Variants in CACNG7 observed in about 807,000 individuals in gnomAD.
CACNG7 encodes the protein voltage-dependent calcium channel gamma-7 subunit.
In CACNG7, 9 loss-of-function variants were observed where a neutral mutation model predicts 26.3. The ratio of observed to expected loss-of-function variants is 0.34; its 90% CI spans 0.21 to 0.60. The LOEUF (loss-of-function observed/expected upper bound fraction) is 0.60. CACNG7 is among the 20% of genes least tolerant of loss of function. The pLI, the probability that CACNG7 is intolerant of heterozygous loss-of-function variation, is 0.81. For missense variants in CACNG7, 297 were observed against 380.4 expected (o/e 0.78, Z 1.82); for synonymous variants, 170 against 157.0 (o/e 1.08, Z -0.62).
At chr19:53,933,637 G>A (rs967408735) in intron 4 of CACNG7, among the ~76,000 whole-genome samples, 18 of 151,566 alleles carry the variant, frequency 1.2e-4, no homozygotes, top group Admixed American at 1.2e-3. Flanking sequence ...AGATCTAAAA[G>A]AAGCTTAGAT....
chr19:53,913,170 G>A (rs1364789809), intron 2 of CACNG7, 143 bp downstream of exon 2: 1 of 730,382 alleles, frequency 1.4e-6, no homozygotes, highest in Non-Finnish European at 2.2e-6. Flanking sequence ...TCTACGTGGA[G>A]CCCCAGTGAC....
Position 53,942,593 on chromosome 19 carries a change from C to A in CACNG7, c.*300C>A. 7.8e-7 allele frequency: 1 copy of A among 1,289,162 alleles called. No individual in the cohort carries two copies. The highest frequency in any genetic ancestry group is 9.9e-7 in the Non-Finnish European group (1 of 1,014,952). The allele number at this position is 1,289,162 out of a possible 1,614,324, so 79.9% of individuals were successfully genotyped here. A position where few individuals can be genotyped will look rare whatever the true frequency, so the allele number is the denominator to read the frequency against. On this transcript the variant is annotated 3_prime_UTR_variant, in exon 6 of 6. Transcript: ENST00000391767. This position sits in a 1 kb window ranked among gnomAD's most constrained non-coding sequence, Gnocchi z 5.9. ...CTCCTCTCCAAGAAAATTAGCTCCTCCCTCGTTCTCCACCTGCTCTGAGCT... is the reference window on the plus strand; with the variant it reads ...CTCCTCTCCAAGAAAATTAGCTCCTACCTCGTTCTCCACCTGCTCTGAGCT...
In CACNG7 at chr19:53,912,904, G is replaced by A. The variant is rs750182220; in HGVS notation, c.73G>A (p.Gly25Ser). The A allele has an allele frequency of 1.2e-6, 2 of 1,614,076 alleles. No individual in the cohort carries two copies. The highest frequency in any genetic ancestry group is 4.5e-5 in the East Asian group (2 of 44,874). ...VFGACGLLLV[G>S]IAVSTDYWLY... ...TGGTGCGTGTGGCCTGCTCCTGGTAGGCATCGCGGTCAGCACTGACTACTG... is the reference window on the plus strand; with the variant it reads ...TGGTGCGTGTGGCCTGCTCCTGGTAAGCATCGCGGTCAGCACTGACTACTG... The change falls in exon 2 of 6, where the codon GGC becomes AGC. Residue 25 changes from glycine (G) to serine (S), a missense_variant. Gly to Ser is a moderately conservative substitution (Grantham distance 56). Transcript: ENST00000391767. The surrounding 1 kb of genome is among the most constrained non-coding windows in gnomAD (Gnocchi z 4.6).
intron 4 of CACNG7, among the ~76,000 whole-genome samples, chr19:53,922,992 C>A (rs1213377737): frequency 1.0e-5 from 1 of 96,796 alleles, no homozygotes; most frequent in Admixed American, 9.0e-5. Flanking sequence ...TGTCCCAGGA[C>A]TGGTCATTGG....
At chr19:53,933,218 C>A (rs2069084815) in intron 4 of CACNG7, among the ~76,000 whole-genome samples, 1 of 151,898 alleles carries the variant, frequency 6.6e-6, no homozygotes, top group Non-Finnish European at 1.5e-5. Context: ...GCAACCTCCA[C>A]CTCCTGGGTT....
intron 4 of CACNG7, among the ~76,000 whole-genome samples, chr19:53,924,648 TGGA>T (rs2069007339): frequency 1.4e-5 from 2 of 143,606 alleles, no homozygotes; most frequent in African/African-American, 5.3e-5. Flanking sequence ...TGGTCATTGG[TGGA>T]GTTGTCCGAG....
chr19:53,912,170 G>T lies in CACNG7; in HGVS notation c.-29-633G>T, dbSNP rs2068865939. Among the ~76,000 whole-genome samples the T allele has an allele frequency of 6.6e-6, 1 of 152,142 alleles. No individual in the cohort carries two copies. The highest frequency in any genetic ancestry group is 1.5e-5 in the Non-Finnish European group (1 of 68,030). On this transcript the variant is annotated intron_variant, in intron 1 of 5. Coordinates refer to ENST00000391767, the MANE Select transcript of CACNG7 (RefSeq NM_031896.5). The surrounding 1 kb of genome is among the most constrained non-coding windows in gnomAD (Gnocchi z 4.6). Reference sequence around the variant, plus strand: ...CAATGCCCTGTGCTCTGGGATCTAGGTCCTGGCTCAGAGTTGAGGTTATTG... The same window carrying T: ...CAATGCCCTGTGCTCTGGGATCTAGTTCCTGGCTCAGAGTTGAGGTTATTG...
chr19:53,915,145 C>A (rs2068887465), intron 3 of CACNG7, among the ~76,000 whole-genome samples: 1 of 151,824 alleles, frequency 6.6e-6, no homozygotes, highest in Non-Finnish European at 1.5e-5. Flanking sequence ...CGGAGTTAAG[C>A]CCAAGGAGGT....
intron 1 of CACNG7, among the ~76,000 whole-genome samples, chr19:53,911,491 C>T (rs188388785): frequency 6.6e-6 from 1 of 152,152 alleles, no homozygotes; most frequent in Non-Finnish European, 1.5e-5. Flanking sequence ...AGGAGCCTGC[C>T]TAGATCTGGG....
rs1286618807 is a variant in CACNG7, at chr19:53,922,987, C to G, written c.424+7482C>G. Among the ~76,000 whole-genome samples, 4 of 100,604 alleles carry G rather than the reference C, an allele frequency of 4.0e-5. 1 individual carries two copies. The highest frequency in any genetic ancestry group is 3.4e-4 in the Admixed American group (4 of 11,846). 66.0% of individuals were successfully genotyped at this position (100,604 alleles called of 152,430 possible). On this transcript the variant is annotated intron_variant, in intron 4 of 5. Coordinates refer to ENST00000391767, the MANE Select transcript of CACNG7 (RefSeq NM_031896.5). ...GGTCTGGTCATTGGTGGAGTTGTCCCAGGACTGGTCATTGGTGCAGTTGCC... is the reference window on the plus strand; with the variant it reads ...GGTCTGGTCATTGGTGGAGTTGTCCGAGGACTGGTCATTGGTGCAGTTGCC...
chr19:53,915,535 G>T (rs752951314), intron 4 of CACNG7, 30 bp downstream of exon 4: 15 of 1,611,130 alleles, frequency 9.3e-6, no homozygotes, highest in South Asian at 2.2e-5. Context: ...GGTTGGGGGG[G>T]ACCATTTCCA....
Position 53,942,654 on chromosome 19 carries a change from C to G in CACNG7, c.*361C>G, listed in dbSNP as rs1319924405. On this transcript the variant is annotated 3_prime_UTR_variant, in exon 6 of 6. Coordinates refer to ENST00000391767, the MANE Select transcript of CACNG7 (RefSeq NM_031896.5). This position sits in a 1 kb window ranked among gnomAD's most constrained non-coding sequence, Gnocchi z 5.9. ...AGAGGCGGTGCAAGCGCCCAGCTCC[C>G]CAGAGCTCCCCAACCTCGGACCTCA... 1.3e-5 allele frequency: 13 copies of G among 969,166 alleles called. No individual in the cohort carries two copies. In the African/African-American group the frequency reaches 1.7e-4, roughly 13 times the overall value. The allele number at this position is 969,166 out of a possible 1,614,324, so 60.0% of individuals were successfully genotyped here.
In CACNG7 at chr19:53,914,492, C is replaced by T. The variant is rs753619342; in HGVS notation, c.197-8C>T. On this transcript the variant is annotated splice_polypyrimidine_tract_variant and splice_region_variant and intron_variant, in intron 2 of 5. Coordinates refer to ENST00000391767, the MANE Select transcript of CACNG7 (RefSeq NM_031896.5). Reference sequence around the variant, plus strand: ...TCATCCAGCCCTGTCTGTTTCTCTTCCCCCCAGGTCGGGAGAAAGGTCGCT... The same window carrying T: ...TCATCCAGCCCTGTCTGTTTCTCTTTCCCCCAGGTCGGGAGAAAGGTCGCT... 8.1e-6 allele frequency: 13 copies of T among 1,611,706 alleles called. No homozygotes were observed. In the African/African-American group the frequency reaches 1.3e-4, roughly 17 times the overall value.
rs2069099382 is a variant in CACNG7, at chr19:53,935,610, ACCGCCC to A, written c.425-5857_425-5852del. On this transcript the variant is annotated intron_variant, in intron 4 of 5. Coordinates refer to ENST00000391767, the MANE Select transcript of CACNG7 (RefSeq NM_031896.5). ...ACTACTGGGATTATAGGCGTGAGCC[ACCGCCC>A]CCACCCTCCAATACTGTCTTTTTTT... Among the ~76,000 whole-genome samples, 7 of 118,372 alleles carry A rather than the reference ACCGCCC, an allele frequency of 5.9e-5. No individual in the cohort carries two copies. In the South Asian group the frequency reaches 2.0e-3, roughly 34 times the overall value. 77.7% of individuals were successfully genotyped at this position (118,372 alleles called of 152,430 possible).
rs952584833 is a variant in CACNG7 at position 53,912,178 on chromosome 19, T to C, written c.-29-625T>C. ...TGTGCTCTGGGATCTAGGTCCTGGC[T>C]CAGAGTTGAGGTTATTGATCCTTGT... On this transcript the variant is annotated intron_variant, in intron 1 of 5. Transcript: ENST00000391767. The surrounding 1 kb of genome is among the most constrained non-coding windows in gnomAD (Gnocchi z 4.6). Among the ~76,000 whole-genome samples the C allele has an allele frequency of 6.6e-6, 1 of 152,126 alleles. No individual in the cohort carries two copies. Among genetic ancestry groups the C allele is most frequent in the African/African-American group, 2.4e-5 (1 of 41,434 alleles).
intron 4 of CACNG7, among the ~76,000 whole-genome samples, chr19:53,935,098 T>C (rs958763065): frequency 6.6e-6 from 1 of 151,708 alleles, no homozygotes; most frequent in African/African-American, 2.4e-5. Flanking sequence ...TACACACAAA[T>C]ATATGCATAT....
At chr19:53,938,352 A>T (rs892700754) in intron 4 of CACNG7, among the ~76,000 whole-genome samples, 3 of 152,110 alleles carry the variant, frequency 2.0e-5, no homozygotes, top group Admixed American at 2.0e-4. Flanking sequence ...TGTCCCAAAA[A>T]GAAAAAAAGT....
At chr19:53,921,122 T>G (rs990365081) in intron 4 of CACNG7, among the ~76,000 whole-genome samples, 2 of 80,328 alleles carry the variant, frequency 2.5e-5, no homozygotes, top group East Asian at 7.8e-4. Flanking sequence ...ATTGGTGGAG[T>G]TGCCCCAGGT....
Position 53,943,736 on chromosome 19 carries a change from G to A in CACNG7, c.*1443G>A, listed in dbSNP as rs530984690. The A allele has an allele frequency of 3.0e-4, 46 of 152,246 alleles. No homozygotes were observed. Among genetic ancestry groups the A allele is most frequent in the Admixed American group, 1.3e-3 (20 of 15,298 alleles). The allele number at this position is 152,246 out of a possible 1,614,324, so 9.4% of individuals were successfully genotyped here. On this transcript the variant is annotated 3_prime_UTR_variant, in exon 6 of 6. Transcript: ENST00000391767. ...AAACACGTCTCCGCCTGCCCGGAGG[G>A]AAGGGATTGGATAGAGGGGGCTTAG...
Sources: gnomAD v4.1 joint callset for allele counts (sites outside exome capture counted in the v4.1 genomes callset) on GRCh38, gnomAD v4.1.1 for gene constraint, Gnocchi (gnomAD v3.1) non-coding constraint, MANE v1.5 for transcripts, NCBI Gene and HGNC (gene_info 2026-07-23, HGNC 2026-07-21) for gene names.